The following TMEM121 variants were observed in gnomAD, a reference collection of about 807,000 sequenced individuals.
TMEM121 encodes the protein transmembrane protein 121, also known as transmembrane protein 121A.
A neutral mutation model predicts 16.4 loss-of-function variants in TMEM121; 8 were observed. The observed-to-expected ratio is 0.49, with a 90% confidence interval of 0.29 to 0.88. The LOEUF is 0.88. TMEM121 is among the 40% of genes least tolerant of loss of function. The pLI, the probability that TMEM121 is intolerant of heterozygous loss-of-function variation, is 0.09. For synonymous variants in TMEM121, 235 were observed against 226.2 expected (o/e 1.04, Z -0.35); for missense variants, 401 against 462.0 (o/e 0.87, Z 1.21).
intron 1 of TMEM121, chr14:105,527,394 G>A (rs909195972): frequency 6.6e-6 from 1 of 152,198 alleles, no homozygotes; most frequent in African/African-American, 2.4e-5. Context: ...GCCCAGAGAG[G>A]GCTTCCTGGG....
Position 105,529,501 on chromosome 14 carries a change from G to A in TMEM121, c.667G>A (p.Ala223Thr), listed in dbSNP as rs1555444275. 6.5e-7 allele frequency: 1 copy of A among 1,541,724 alleles called. No individual in the cohort carries two copies. Among genetic ancestry groups the A allele is most frequent in the Non-Finnish European group, 8.7e-7 (1 of 1,144,300 alleles). ...KMMLYPVLSL[A>T]TVNVVAVLAR... Reference sequence around the variant, plus strand: ...GATGCTGTACCCGGTGCTCAGCCTCGCCACCGTCAATGTGGTGGCCGTGCT... The same window carrying A: ...GATGCTGTACCCGGTGCTCAGCCTCACCACCGTCAATGTGGTGGCCGTGCT... The change falls in exon 2 of 2, where the codon GCC (alanine) becomes ACC (threonine). Residue 223 changes from alanine (A) to threonine (T), a missense_variant. Ala to Thr is a moderately conservative substitution (Grantham distance 58). Transcript: ENST00000392519.
chr14:105,530,112 C>T lies in TMEM121; in HGVS notation c.*318C>T. On this transcript the variant is annotated 3_prime_UTR_variant, in exon 2 of 2. Transcript: ENST00000392519. ...GGAGGGCAGTGTGGGCGGAGATCTG[C>T]TCCTTCGGTGGGGGCCTCTGGCTCA... The T allele has an allele frequency of 2.8e-6, 1 of 360,576 alleles. No individual in the cohort carries two copies. The allele number at this position is 360,576 out of a possible 1,614,324, so 22.3% of individuals were successfully genotyped here.
intron 1 of TMEM121, 175 bp from the exon 2 acceptor site, chr14:105,528,547 C>T (rs936431447): frequency 2.7e-4 from 56 of 206,782 alleles, no homozygotes; most frequent in Admixed American, 2.1e-3. Flanking sequence ...CCTCTGGAGG[C>T]CTCGCTGTGG....
rs368559797 is a variant in TMEM121, at chr14:105,526,924, C to T, written c.-114+271C>T. Among the ~76,000 whole-genome samples, 17 of 152,196 alleles carry T rather than the reference C, an allele frequency of 1.1e-4. No homozygotes were observed. In the East Asian group the frequency reaches 3.3e-3, roughly 30 times the overall value. On this transcript the variant is annotated intron_variant, in intron 1 of 1. Coordinates refer to ENST00000392519, the MANE Select transcript of TMEM121 (RefSeq NM_025268.4). The surrounding 1 kb of genome is among the most constrained non-coding windows in gnomAD (Gnocchi z 6.8). Reference sequence around the variant, plus strand: ...GGGAGCACAGCAGCCCCCTCCCGCCCCTCCTCCCGGGGGCTCCGAGGGGTG... The same window carrying T: ...GGGAGCACAGCAGCCCCCTCCCGCCTCTCCTCCCGGGGGCTCCGAGGGGTG...
At position 105,529,818 on chromosome 14, in the gene TMEM121, C is replaced by T. The variant is rs1352946530; in HGVS notation, c.*24C>T. The stretch of plus-strand genomic sequence containing the variant: ...GACAGGGCCCGCGCGGCCCCCGACA[C>T]GCCCCTGGGGCGCAGAGACACCGGG... On this transcript the variant is annotated 3_prime_UTR_variant, in exon 2 of 2. Coordinates refer to ENST00000392519, the MANE Select transcript of TMEM121 (RefSeq NM_025268.4). 6.4e-6 allele frequency: 9 copies of T among 1,399,312 alleles called. No individual in the cohort carries two copies. Among genetic ancestry groups the T allele is most frequent in the African/African-American group, 1.5e-5 (1 of 65,416 alleles). The allele number at this position is 1,399,312 out of a possible 1,614,324, so 86.7% of individuals were successfully genotyped here.
At position 105,526,648 on chromosome 14, in the gene TMEM121, G is replaced by C. The variant is rs1433444788; in HGVS notation, c.-119G>C. ...CGGGAGCGGCGCAGCATCTGCGGGC[G>C]GCGGGGTAGGCGCGGGCGCGGGCGG... On this transcript the variant is annotated 5_prime_UTR_variant, in exon 1 of 2. Coordinates refer to ENST00000392519, the MANE Select transcript of TMEM121 (RefSeq NM_025268.4). This position sits in a 1 kb window ranked among gnomAD's most constrained non-coding sequence, Gnocchi z 6.8. The C allele has an allele frequency of 6.7e-6, 1 of 148,872 alleles. No homozygotes were observed. Among genetic ancestry groups the C allele is most frequent in the East Asian group, 2.0e-4 (1 of 5,070 alleles). The allele number at this position is 148,872 out of a possible 1,614,324, so 9.2% of individuals were successfully genotyped here. A position where few individuals can be genotyped will look rare whatever the true frequency, so the allele number is the denominator to read the frequency against.
At position 105,529,102 on chromosome 14, in the gene TMEM121, C is replaced by T; in HGVS notation, c.268C>T (p.Leu90Phe). The T allele has an allele frequency of 6.2e-7, 1 of 1,611,390 alleles. No individual in the cohort carries two copies. Among genetic ancestry groups the T allele is most frequent in the African/African-American group, 1.3e-5 (1 of 75,048 alleles). The change falls in exon 2 of 2, where the codon CTC becomes TTC. Residue 90 changes from leucine (L) to phenylalanine (F), a missense_variant. By Grantham distance (22) the Leu-to-Phe change is conservative (BLOSUM62 0). Transcript: ENST00000392519. Reference protein sequence around the residue: ...FLYIFVLEIKLYFIFQNYKAA... With the variant: ...FLYIFVLEIKFYFIFQNYKAA... The stretch of plus-strand genomic sequence containing the variant: ...TTACATCTTCGTGCTGGAGATCAAG[C>T]TCTACTTCATCTTCCAGAACTACAA...
chr14:105,528,303 C>T (rs2084605289), intron 1 of TMEM121, among the ~76,000 whole-genome samples: 2 of 149,436 alleles, frequency 1.3e-5, no homozygotes, highest in Admixed American at 6.6e-5. Flanking sequence ...CGCCTCCCTG[C>T]CCAGTGCGGC....
At chr14:105,527,966 GC>G (rs1234943582) in intron 1 of TMEM121, among the ~76,000 whole-genome samples, 1 of 152,018 alleles carries the variant, frequency 6.6e-6, no homozygotes, top group African/African-American at 2.4e-5. Context: ...AGATTCGAGG[GC>G]AGCCACAGGC....
Position 105,529,890 on chromosome 14 carries a change from C to T in TMEM121, c.*96C>T, listed in dbSNP as rs2084629958. 2 of 1,230,864 alleles carry T rather than the reference C, an allele frequency of 1.6e-6. No homozygotes were observed. The highest frequency in any genetic ancestry group is 3.1e-5 in the East Asian group (1 of 32,534). 76.2% of individuals were successfully genotyped at this position (1,230,864 alleles called of 1,614,324 possible). ...GCATGGGATGGGGTGGGGGCGGGCT[C>T]CCCTAGGGACAGGTGCCTCGAGTGC... On this transcript the variant is annotated 3_prime_UTR_variant, in exon 2 of 2. Coordinates refer to ENST00000392519, the MANE Select transcript of TMEM121 (RefSeq NM_025268.4).
rs1335471562 is a variant in TMEM121, at chr14:105,530,032, C to T, written c.*238C>T. 3.8e-5 allele frequency: 19 copies of T among 495,508 alleles called. No individual in the cohort carries two copies. Among genetic ancestry groups the T allele is most frequent in the Non-Finnish European group, 7.1e-6 (2 of 280,818 alleles). The allele number at this position is 495,508 out of a possible 1,614,324, so 30.7% of individuals were successfully genotyped here. A position where few individuals can be genotyped will look rare whatever the true frequency, so the allele number is the denominator to read the frequency against. ...GTGGGTCTGTTTGGGAGGCCTGGGC[C>T]GGAGCAGAGCAGAGGTGATCCGGCC... On this transcript the variant is annotated 3_prime_UTR_variant, in exon 2 of 2. Transcript: ENST00000392519.
rs949851469 is a variant in TMEM121, at chr14:105,529,749, G to A, written c.915G>A (p.Gly305=). 1.1e-5 allele frequency: 16 copies of A among 1,504,856 alleles called. No homozygotes were observed. Among genetic ancestry groups the A allele is most frequent in the Non-Finnish European group, 1.2e-5 (14 of 1,135,296 alleles). 93.2% of individuals were successfully genotyped at this position (1,504,856 alleles called of 1,614,324 possible). Residue 305 remains glycine, a synonymous_variant, in exon 2 of 2, where the codon GGG becomes GGA. Transcript: ENST00000392519. The part of the protein sequence containing the change: ...PPPPPLHGPP[G]RPHMSSPTRD... ...CGCCGCCGCTGCACGGCCCGCCTGG[G>A]CGCCCCCACATGTCCTCGCCCACGC...
chr14:105,529,681 C>T lies in TMEM121; in HGVS notation c.847C>T (p.Leu283=). ...DFPPPALSLE[L]QPPPPQRNSV... ...CCCGCCGCCTGCGCTATCACTGGAG[C>T]TGCAGCCGCCACCCCCGCAGCGCAA... is the stretch of plus-strand genomic sequence containing the variant. Residue 283 remains leucine, a synonymous_variant, in exon 2 of 2, where the codon CTG becomes TTG. Transcript: ENST00000392519. 1 of 1,555,354 alleles carries T rather than the reference C, an allele frequency of 6.4e-7. No homozygotes were observed. The highest frequency in any genetic ancestry group is 8.6e-7 in the Non-Finnish European group (1 of 1,158,834).
Position 105,529,014 on chromosome 14 carries a change from C to G in TMEM121, c.180C>G (p.Ala60=). The G allele has an allele frequency of 6.2e-7, 1 of 1,612,164 alleles. No homozygotes were observed. Among genetic ancestry groups the G allele is most frequent in the Non-Finnish European group, 8.5e-7 (1 of 1,179,680 alleles). ...VCFLLVLRYV[A]VWVGAEVRTA... ...TCCTGCTGGTGCTGCGCTACGTGGCCGTGTGGGTGGGCGCCGAGGTGCGCA... is the reference window on the plus strand; with the variant it reads ...TCCTGCTGGTGCTGCGCTACGTGGCGGTGTGGGTGGGCGCCGAGGTGCGCA... The change falls in exon 2 of 2, where the codon GCC becomes GCG. Residue 60 remains alanine (A), a synonymous_variant. Transcript: ENST00000392519.
chr14:105,528,747 C>A lies in TMEM121; in HGVS notation c.-88C>A, dbSNP rs868926493. On this transcript the variant is annotated 5_prime_UTR_variant, in exon 2 of 2. Transcript: ENST00000392519. ...GTTTCGAGCTCGCCGGGCCGTGTCG[C>A]GCCATGCCCGCTGGCTGAGCGCCGC... 1.1e-3 allele frequency: 1,251 copies of A among 1,152,446 alleles called. 2 individuals carry two copies. The highest frequency in any genetic ancestry group is 3.2e-3 in the Middle Eastern group (9 of 2,822). The allele number at this position is 1,152,446 out of a possible 1,614,324, so 71.4% of individuals were successfully genotyped here.
chr14:105,529,518 G>A lies in TMEM121; in HGVS notation c.684G>A (p.Val228=), dbSNP rs782086607. 6 of 1,540,394 alleles carry A rather than the reference G, an allele frequency of 3.9e-6. No individual in the cohort carries two copies. The African/African-American group carries it at 8.2e-5, about 21-fold the overall frequency. The change falls in exon 2 of 2, where the codon GTG becomes GTA. Residue 228 remains valine, a synonymous_variant. Coordinates refer to ENST00000392519, the MANE Select transcript of TMEM121 (RefSeq NM_025268.4). ...PVLSLATVNV[V]AVLARAANMA... ...TCAGCCTCGCCACCGTCAATGTGGT[G>A]GCCGTGCTGGCGCGCGCCGCCAACA...
intron 1 of TMEM121, 83 bp from the exon 2 acceptor site, chr14:105,528,639 G>A: frequency 5.0e-6 from 2 of 400,680 alleles, no homozygotes; most frequent in Non-Finnish European, 7.4e-6. Flanking sequence ...CTGGTGGGAA[G>A]CACGCGGGGT....
intron 1 of TMEM121, among the ~76,000 whole-genome samples, chr14:105,528,125 C>G (rs1195180815): frequency 1.3e-5 from 2 of 151,670 alleles, no homozygotes; most frequent in African/African-American, 4.9e-5. Context: ...GGAGACCGAG[C>G]CTGCCCGTGC....
chr14:105,528,903 C>G lies in TMEM121; in HGVS notation c.69C>G (p.Ala23=), dbSNP rs1433367285. Reference sequence around the variant, plus strand: ...CGCTGGTGATCATGGGCAGCATGGCCGTCATGGACGCGTACCTGGTGGAGC... The same window carrying G: ...CGCTGGTGATCATGGGCAGCATGGCGGTCATGGACGCGTACCTGGTGGAGC... ...LTTLVIMGSM[A]VMDAYLVEQN... Residue 23 remains alanine, a synonymous_variant, in exon 2 of 2, where the codon GCC becomes GCG. Transcript: ENST00000392519. The G allele has an allele frequency of 3.2e-6, 5 of 1,568,660 alleles. No homozygotes were observed. In the African/African-American group the frequency reaches 6.8e-5, roughly 21 times the overall value.
Sources: allele counts gnomAD v4.1 joint callset (sites outside exome capture counted in the v4.1 genomes callset), GRCh38; gene constraint gnomAD v4.1.1; non-coding constraint Gnocchi (gnomAD v3.1); transcripts MANE v1.5; gene names NCBI Gene and HGNC (gene_info 2026-07-23, HGNC 2026-07-21).